Variants in ZBTB46 observed in about 807,000 individuals in gnomAD.
The protein encoded by ZBTB46 is zinc finger and BTB domain-containing protein 46.
A neutral mutation model predicts 44.1 loss-of-function variants in ZBTB46; 8 were observed. The observed-to-expected ratio is 0.18, with a 90% CI of 0.11 to 0.33. The LOEUF (loss-of-function observed/expected upper bound fraction) is 0.33. Among genes scored for constraint, ZBTB46 ranks in the 10% least tolerant of loss-of-function variants. The pLI is 1.00. For missense variants in ZBTB46, 651 were observed against 847.7 expected, an observed-to-expected ratio of 0.77 and a Z score of 2.88; for synonymous variants, 409 against 382.3, an observed-to-expected ratio of 1.07 and a Z score of -0.81.
intron 2 of ZBTB46, among the ~76,000 whole-genome samples, chr20:63,783,129 T>TA (rs1293667722): frequency 8.0e-5 from 12 of 149,160 alleles, no homozygotes; most frequent in East Asian, 8.0e-4. Context: ...GACCTTGTCT[T>TA]AAAAAAAACA....
Position 63,775,775 on chromosome 20 carries a change from C to A in ZBTB46, c.1125G>T (p.Met375Ile). The change falls in exon 3 of 5, where the codon ATG (methionine) becomes ATT (isoleucine). Residue 375 changes from methionine (M) to isoleucine (I), a missense_variant. Transcript: ENST00000245663. ...TCAGCGACAGCAGGCTGTTCTTACT[C>A]ATGAGCGCCGCGCGCAGGTTGGCCA... is the stretch of plus-strand genomic sequence containing the variant. ...TAVANLRAAL[M>I]SKNSLLSLKA... 1 of 1,613,334 alleles carries A rather than the reference C, an allele frequency of 6.2e-7. No individual in the cohort carries two copies. Among genetic ancestry groups the A allele is most frequent in the Non-Finnish European group, 8.5e-7 (1 of 1,179,908 alleles).
intron 3 of ZBTB46, among the ~76,000 whole-genome samples, chr20:63,759,919 C>T (rs1356483476): frequency 5.3e-5 from 8 of 152,136 alleles, no homozygotes; most frequent in African/African-American, 1.2e-4. Context: ...CTCCTTTATT[C>T]GGCTAATGTG....
At chr20:63,819,692 C>T (rs1269655673) in intron 1 of ZBTB46, among the ~76,000 whole-genome samples, 2 of 152,208 alleles carry the variant, frequency 1.3e-5, no homozygotes, top group Non-Finnish European at 2.9e-5. Flanking sequence ...CTAGTGAAAT[C>T]CAGTGAGCAG....
At chr20:63,768,833 G>A (rs544940044) in intron 3 of ZBTB46, among the ~76,000 whole-genome samples, 308 of 152,244 alleles carry the variant, frequency 2.0e-3, no homozygotes, top group African/African-American at 7.2e-3. Context: ...CGAGTCGGGG[G>A]TTGGCCAGAA....
chr20:63,781,140 C>CAAAAAAAAAAAAAAAAA (rs58102231), intron 2 of ZBTB46, among the ~76,000 whole-genome samples: 1 of 83,934 alleles, frequency 1.2e-5, no homozygotes, highest in Non-Finnish European at 2.1e-5. Flanking sequence ...GACTCTGCCT[C>CAAAAAAAAAAAAAAAAA]AAAAAAAAAA....
intron 1 of ZBTB46, 60 bp from the exon 2 acceptor site, chr20:63,790,850 G>A (rs2092555511): frequency 4.8e-6 from 7 of 1,452,802 alleles, no homozygotes; most frequent in Admixed American, 2.5e-5. Context: ...GTGAGAGGAC[G>A]CCGGGCGGGG....
chr20:63,806,153 G>T (rs982606357), intron 1 of ZBTB46, among the ~76,000 whole-genome samples: 1 of 150,378 alleles, frequency 6.6e-6, no homozygotes, highest in Non-Finnish European at 1.5e-5. Context: ...TGTAATCCCA[G>T]CATTTTGGGA....
chr20:63,775,901 G>A lies in ZBTB46; in HGVS notation c.999C>T (p.Leu333=). Residue 333 remains leucine, a synonymous_variant, in exon 3 of 5, where the codon CTC becomes CTT. Transcript: ENST00000245663. The part of the protein sequence containing the change: ...SSDSRGERAE[L]YAQVEEGLLG... ...GGAGACCCTCCTCCACCTGTGCATA[G>A]AGCTCGGCCCTCTCTCCTCGGCTGT... The A allele has an allele frequency of 6.2e-7, 1 of 1,608,732 alleles. No individual in the cohort carries two copies. Among genetic ancestry groups the A allele is most frequent in the Non-Finnish European group, 8.5e-7 (1 of 1,178,424 alleles).
Position 63,760,471 on chromosome 20 carries a change from G to T in ZBTB46, c.1223-7610C>A, listed in dbSNP as rs868414680. Among the ~76,000 whole-genome samples the T allele has an allele frequency of 4.4e-3, 631 of 144,486 alleles. 5 individuals carry two copies. The highest frequency in any genetic ancestry group is 0.015 in the African/African-American group (587 of 39,710). 94.8% of individuals were successfully genotyped at this position (144,486 alleles called of 152,430 possible). A position where few individuals can be genotyped will look rare whatever the true frequency, so the allele number is the denominator to read the frequency against. ...TCACAGGAGTTATATCAGTGTTTTT[G>T]TTTTTTTTTTTTGAGACAGAGTCTC... is the stretch of plus-strand genomic sequence containing the variant. On this transcript the variant is annotated intron_variant, in intron 3 of 4. Transcript: ENST00000245663.
chr20:63,768,169 T>C (rs2092336444), intron 3 of ZBTB46: 4 of 978,138 alleles, frequency 4.1e-6, no homozygotes, highest in Non-Finnish European at 4.9e-6. Context: ...CTCAAAAATA[T>C]ATGCATTAAC....
At position 63,744,540 on chromosome 20, in the gene ZBTB46, A is replaced by G. The variant is rs1229457040; in HGVS notation, c.*2390T>C. The G allele has an allele frequency of 6.6e-6, 1 of 152,366 alleles. No homozygotes were observed. The highest frequency in any genetic ancestry group is 1.5e-5 in the Non-Finnish European group (1 of 68,040). 9.4% of individuals were successfully genotyped at this position (152,366 alleles called of 1,614,324 possible). ...ACACATTTTTCCTCTTCATAAAAAA[A>G]TATTTATTAGTTTGAACATCGATTT... On this transcript the variant is annotated 3_prime_UTR_variant, in exon 5 of 5. Coordinates refer to ENST00000245663, the MANE Select transcript of ZBTB46 (RefSeq NM_001369741.1).
Position 63,754,413 on chromosome 20 carries a change from G to T in ZBTB46, c.1223-1552C>A, listed in dbSNP as rs1601396798. Among the ~76,000 whole-genome samples the T allele has an allele frequency of 9.8e-5, 15 of 152,304 alleles. No individual in the cohort carries two copies. The South Asian group carries it at 3.1e-3, about 32-fold the overall frequency. On this transcript the variant is annotated intron_variant, in intron 3 of 4. Coordinates refer to ENST00000245663, the MANE Select transcript of ZBTB46 (RefSeq NM_001369741.1). ...CTCCACACATTCTAGGCTAGAAAAG[G>T]AGAGCAAGGAAATGAGTTTTTCTAT...
intron 3 of ZBTB46, among the ~76,000 whole-genome samples, chr20:63,770,634 G>T (rs2092361175): frequency 6.6e-6 from 1 of 152,180 alleles, no homozygotes; most frequent in Non-Finnish European, 1.5e-5. Flanking sequence ...CATATTTAAT[G>T]GTTCTCTAAA....
intron 1 of ZBTB46, chr20:63,807,973 G>T (rs1219991249): frequency 1.3e-5 from 2 of 150,014 alleles, no homozygotes; most frequent in Non-Finnish European, 2.9e-5. Context: ...ACTCACGGAA[G>T]CTGAACGGAC....
At position 63,746,325 on chromosome 20, in the gene ZBTB46, G is replaced by A. The variant is rs2092088908; in HGVS notation, c.*605C>T. ...ACCTGGAGCCCTCGGCCTCCAGCAG[G>A]GTCTGCAGCTGTGTTGTGTGTTAAG... On this transcript the variant is annotated 3_prime_UTR_variant, in exon 5 of 5. Transcript: ENST00000245663. The A allele has an allele frequency of 6.5e-6, 1 of 152,864 alleles. No homozygotes were observed. Among genetic ancestry groups the A allele is most frequent in the Non-Finnish European group, 1.5e-5 (1 of 68,150 alleles). 9.5% of individuals were successfully genotyped at this position (152,864 alleles called of 1,614,324 possible).
chr20:63,812,022 G>T (rs760515737), intron 1 of ZBTB46, among the ~76,000 whole-genome samples: 3 of 152,114 alleles, frequency 2.0e-5, no homozygotes, highest in Non-Finnish European at 2.9e-5. Flanking sequence ...TTGAAACAAG[G>T]CTTTAGTGCT....
rs148555106 is a variant in ZBTB46 at position 63,747,148 on chromosome 20, C to T, written c.1552G>A (p.Gly518Arg). The change falls in exon 5 of 5, where the codon GGA becomes AGA. Residue 518 changes from glycine (G) to arginine (R), a missense_variant. This residue lies in a region of ZBTB46 where 75 missense variants were observed against 107.8 expected (regional missense o/e 0.70). Coordinates refer to ENST00000245663, the MANE Select transcript of ZBTB46 (RefSeq NM_001369741.1). ...GMAGPLDHGG[G>R]GGEGSPEALF... ...GCCTCTGGAGAGCCCTCGCCGCCTC[C>T]GCCGCCATGGTCCAGGGGCCCGGCC... 3.1e-3 allele frequency: 5,064 copies of T among 1,609,990 alleles called. 10 individuals are homozygous for T. The highest frequency in any genetic ancestry group is 4.5e-3 in the Admixed American group (267 of 59,868).
Position 63,803,522 on chromosome 20 carries a change from T to C in ZBTB46, c.-33-12732A>G. The C allele has an allele frequency of 2.0e-6, 2 of 985,204 alleles. No homozygotes were observed. The highest frequency in any genetic ancestry group is 2.4e-6 in the Non-Finnish European group (2 of 829,872). The allele number at this position is 985,204 out of a possible 1,614,324, so 61.0% of individuals were successfully genotyped here. ...CCACATGGCAGCCCCCATGTGGCCA[T>C]CTGAAGATGCAAAGCCATGTCTGCC... On this transcript the variant is annotated intron_variant, in intron 1 of 4. Transcript: ENST00000245663. The surrounding 1 kb of genome is among the most constrained non-coding windows in gnomAD (Gnocchi z 4.0).
chr20:63,809,006 G>GAAAAAAA (rs1203809736), intron 1 of ZBTB46, among the ~76,000 whole-genome samples: 1 of 122,614 alleles, frequency 8.2e-6, no homozygotes, highest in Non-Finnish European at 1.7e-5. Context: ...AAAAGAAAAA[G>GAAAAAAA]AAAAAAAAAA....
Sources: allele counts gnomAD v4.1 joint callset (sites outside exome capture counted in the v4.1 genomes callset), GRCh38; gene constraint gnomAD v4.1.1; regional missense constraint gnomAD v4.1.1; non-coding constraint Gnocchi (gnomAD v3.1); transcripts MANE v1.5; gene names NCBI Gene and HGNC (gene_info 2026-07-23, HGNC 2026-07-21).